Variants in CNTN4 observed in about 807,000 individuals in gnomAD.
CNTN4 encodes contactin-4.
In CNTN4, 77 loss-of-function variants were observed where a neutral mutation model predicts 122.5. The observed-to-expected ratio is 0.63, with a 90% CI of 0.52 to 0.76. The LOEUF (loss-of-function observed/expected upper bound fraction) is 0.76, where lower values mean the gene tolerates loss of function less well. Ranked by LOEUF, CNTN4 falls within the 30% of genes least tolerant of loss-of-function variation. The pLI is 0.00. For synonymous variants in CNTN4, 512 were observed against 447.0 expected, an observed-to-expected ratio of 1.15 and a Z score of -1.83; for missense variants, 1,256 against 1,259.1, an observed-to-expected ratio of 1.00 and a Z score of 0.04.
chr3:2,299,416 C>T (rs2042425009), intron 2 of CNTN4, among the ~76,000 whole-genome samples: 1 of 152,072 alleles, frequency 6.6e-6, no homozygotes. Flanking sequence ...GTGGACCCGT[C>T]ACCCGAGTAG....
intron 2 of CNTN4, among the ~76,000 whole-genome samples, chr3:2,190,806 GCACA>G (rs34364522): frequency 0.058 from 8,503 of 147,436 alleles, 281 homozygotes; most frequent in Non-Finnish European, 0.074. Flanking sequence ...AGGACTTTAT[GCACA>G]CACACACACA....
chr3:2,514,983 G>A (rs948972141), intron 3 of CNTN4, among the ~76,000 whole-genome samples: 1 of 147,498 alleles, frequency 6.8e-6, no homozygotes, highest in African/African-American at 2.5e-5. Context: ...TGTCTGTCCC[G>A]TTCCCTGTTC....
Position 2,659,008 on chromosome 3 carries a change from ACAG to A in CNTN4, c.56-77206_56-77204del, listed in dbSNP as rs199788768. On this transcript the variant is annotated intron_variant, in intron 4 of 24. Transcript: ENST00000418658. ...CACACACACACACACACACACACAC[ACAG>A]AACTAACCTAATATTTCAGGTCTCA... 8.3e-5 allele frequency among the ~76,000 whole-genome samples: 12 copies of A among 144,910 alleles called. No homozygotes were observed. In the East Asian group the frequency reaches 2.2e-3, roughly 27 times the overall value.
At chr3:2,787,889 A>T (rs1204010583) in intron 6 of CNTN4, among the ~76,000 whole-genome samples, 17 of 150,834 alleles carry the variant, frequency 1.1e-4, no homozygotes, top group Non-Finnish European at 2.9e-5. Flanking sequence ...TCCCAGGTTC[A>T]AGTGATTCTC....
chr3:2,930,850 T>G (rs550371794), intron 13 of CNTN4, among the ~76,000 whole-genome samples: 1 of 152,180 alleles, frequency 6.6e-6, no homozygotes, highest in Non-Finnish European at 1.5e-5. Context: ...ACGGTGCTCA[T>G]AGACTAGCGC....
intron 4 of CNTN4, among the ~76,000 whole-genome samples, chr3:2,721,842 C>A (rs1177833462): frequency 6.6e-6 from 1 of 152,140 alleles, no homozygotes; most frequent in East Asian, 1.9e-4. Flanking sequence ...GAAATCCTAA[C>A]CCTGAAGGTT....
intron 13 of CNTN4, among the ~76,000 whole-genome samples, chr3:2,950,649 G>A (rs1034643185): frequency 1.3e-5 from 2 of 152,184 alleles, no homozygotes; most frequent in African/African-American, 2.4e-5. Context: ...GCAACGTGTG[G>A]CCACTCACCT....
intron 2 of CNTN4, among the ~76,000 whole-genome samples, chr3:2,332,942 A>G (rs796802994): frequency 9.2e-5 from 14 of 152,322 alleles, no homozygotes; most frequent in African/African-American, 3.4e-4. Flanking sequence ...TCAAAGGCTC[A>G]TGACTGTTTT....
In CNTN4 at chr3:2,269,926, A is replaced by G. The variant is rs1431817409; in HGVS notation, c.-144-69252A>G. 7.0e-3 allele frequency among the ~76,000 whole-genome samples: 506 copies of G among 72,668 alleles called. 84 individuals carry two copies. The highest frequency in any genetic ancestry group is 0.019 in the African/African-American group (414 of 22,004). 47.7% of individuals were successfully genotyped at this position (72,668 alleles called of 152,430 possible). A position where few individuals can be genotyped will look rare whatever the true frequency, so the allele number is the denominator to read the frequency against. On this transcript the variant is annotated intron_variant, in intron 2 of 24. Transcript: ENST00000418658. ...TGTTTGTTTGTTTGTTTATTTATTTATTTATTTATTTATTTATTTATTTAT... is the reference window on the plus strand; with the variant it reads ...TGTTTGTTTGTTTGTTTATTTATTTGTTTATTTATTTATTTATTTATTTAT...
chr3:2,712,628 A>G (rs1201989155), intron 4 of CNTN4, among the ~76,000 whole-genome samples: 2 of 152,202 alleles, frequency 1.3e-5, no homozygotes, highest in African/African-American at 4.8e-5. Context: ...GATTTCTAAA[A>G]TCTTTGGAAT....
intron 2 of CNTN4, among the ~76,000 whole-genome samples, chr3:2,190,695 C>G (rs1005359007): frequency 6.6e-6 from 1 of 151,880 alleles, no homozygotes; most frequent in African/African-American, 2.4e-5. Context: ...ATCTCACCAT[C>G]CATCCTGAGC....
intron 7 of CNTN4, among the ~76,000 whole-genome samples, chr3:2,844,845 A>G (rs1253034386): frequency 4.6e-5 from 7 of 152,204 alleles, no homozygotes; most frequent in Admixed American, 4.6e-4. Context: ...CTTTCTGGAT[A>G]AACAGTCTCT....
chr3:2,796,822 T>G (rs1372022721), intron 6 of CNTN4, among the ~76,000 whole-genome samples: 1 of 152,204 alleles, frequency 6.6e-6, no homozygotes, highest in Admixed American at 6.5e-5. Context: ...ATTGCTGTAT[T>G]CCCAAAGTAG....
chr3:2,424,682 A>G (rs978798963), intron 3 of CNTN4, among the ~76,000 whole-genome samples: 69 of 152,324 alleles, frequency 4.5e-4, no homozygotes, highest in African/African-American at 1.6e-3. Context: ...AGTCCCACCA[A>G]CAGTGTAAAA....
At chr3:2,708,927 A>G (rs2086924691) in intron 4 of CNTN4, among the ~76,000 whole-genome samples, 2 of 152,224 alleles carry the variant, frequency 1.3e-5, no homozygotes, top group Non-Finnish European at 2.9e-5. Context: ...TTTTAAGTGT[A>G]TACCCAATCA....
At chr3:2,871,366 A>C (rs1222953096) in intron 8 of CNTN4, among the ~76,000 whole-genome samples, 1 of 152,204 alleles carries the variant, frequency 6.6e-6, no homozygotes. Flanking sequence ...TAGTGTATAG[A>C]TCATATTATT....
intron 4 of CNTN4, among the ~76,000 whole-genome samples, chr3:2,687,625 G>A (rs866681242): frequency 1.3e-5 from 2 of 152,140 alleles, no homozygotes; most frequent in East Asian, 1.9e-4. Context: ...ACTCCACTCC[G>A]AACAAGATCC....
At chr3:2,972,408 C>G (rs1026997078) in intron 13 of CNTN4, among the ~76,000 whole-genome samples, 1 of 152,072 alleles carries the variant, frequency 6.6e-6, no homozygotes, top group African/African-American at 2.4e-5. Flanking sequence ...ACATGTCTAA[C>G]AGTTCTGCAT....
intron 6 of CNTN4, among the ~76,000 whole-genome samples, chr3:2,812,953 A>G (rs1425296659): frequency 6.6e-6 from 1 of 152,226 alleles, no homozygotes; most frequent in African/African-American, 2.4e-5. Context: ...TCCTCTTGCT[A>G]TATACTCTCT....
Sources: gnomAD v4.1 joint callset for allele counts (sites outside exome capture counted in the v4.1 genomes callset) on GRCh38, gnomAD v4.1.1 for gene constraint, MANE v1.5 for transcripts, NCBI Gene and HGNC (gene_info 2026-07-23, HGNC 2026-07-21) for gene names.